The following ACY3 variants were observed in gnomAD, a reference collection of about 807,000 sequenced individuals.
The protein encoded by ACY3 is aminoacylase 3.
ACY3 carries 20 observed loss-of-function variants against 24.6 expected under a neutral mutation model. That is an observed-to-expected ratio of 0.81 (90% CI 0.57 to 1.18). The LOEUF (loss-of-function observed/expected upper bound fraction) is 1.18. Among genes scored for constraint, ACY3 ranks in the 50% most tolerant of loss-of-function variants. The pLI is 0.00. For synonymous variants in ACY3, 174 were observed against 188.4 expected (o/e 0.92, Z 0.62); for missense variants, 423 against 426.8 (o/e 0.99, Z 0.08).
chr11:67,648,391 C>T (rs1467030246), intron 1 of ACY3, among the ~76,000 whole-genome samples: 1 of 152,188 alleles, frequency 6.6e-6, no homozygotes, highest in African/African-American at 2.4e-5. Flanking sequence ...CCTGCTGCCT[C>T]TCAAGAGCAA....
At chr11:67,645,559 C>T (rs147304706) in intron 4 of ACY3, 133 bp downstream of exon 4, 1 of 1,290,338 alleles carries the variant, frequency 7.7e-7, no homozygotes, top group Non-Finnish European at 1.0e-6. Flanking sequence ...GTGGCAGACC[C>T]CAGGGACTGG....
Position 67,645,376 on chromosome 11 carries a change from T to C in ACY3, c.437A>G (p.Gln146Arg), listed in dbSNP as rs750492034. Residue 146 changes from glutamine (Q) to arginine (R), a missense_variant, in exon 5 of 8, where the codon CAG (glutamine) becomes CGG (arginine). Coordinates refer to ENST00000255082, the MANE Select transcript of ACY3 (RefSeq NM_080658.2). ...AMHLCRHLQL[Q>R]YPELSCQVFL... is the part of the protein sequence containing the mutation. The stretch of plus-strand genomic sequence containing the variant: ...GACCTGGCAGGACAGCTCGGGGTAC[T>C]GCAGCTGGGGGCGAGAGAGGCAGGT... The C allele has an allele frequency of 6.2e-7, 1 of 1,613,280 alleles. No homozygotes were observed. Among genetic ancestry groups the C allele is most frequent in the East Asian group, 2.2e-5 (1 of 44,878 alleles).
chr11:67,649,590 G>A (rs1009526312), intron 1 of ACY3, among the ~76,000 whole-genome samples: 4 of 151,916 alleles, frequency 2.6e-5, no homozygotes, highest in African/African-American at 7.3e-5. Flanking sequence ...GTGTGCATGA[G>A]AGCATGTGTG....
At chr11:67,644,130 A>G (rs1591129603) in intron 7 of ACY3, among the ~76,000 whole-genome samples, 1 of 152,258 alleles carries the variant, frequency 6.6e-6, no homozygotes, top group Middle Eastern at 3.4e-3. Context: ...CATGGACGGG[A>G]TGGTGCTGCC....
chr11:67,644,142 C>T (rs1280675482), intron 7 of ACY3, among the ~76,000 whole-genome samples: 3 of 152,098 alleles, frequency 2.0e-5, no homozygotes, highest in Admixed American at 2.0e-4. Flanking sequence ...GGTGCTGCCT[C>T]CATTTGTAAG....
rs745927969 is a variant in ACY3, at chr11:67,645,889, T to G, written c.237-2A>C. The G allele has an allele frequency of 2.5e-6, 4 of 1,588,020 alleles. No individual in the cohort carries two copies. In the Admixed American group the frequency reaches 7.2e-5, roughly 29 times the overall value. On this transcript the variant is annotated splice_acceptor_variant, in intron 3 of 7. Coordinates refer to ENST00000255082, the MANE Select transcript of ACY3 (RefSeq NM_080658.2). LOFTEE classifies it high-confidence loss of function. ...GGGTCGTCCGGGGTGGGCCTGGAAC[T>G]GTGGAGACGGGAATGGGGGACACCG...
In ACY3 at chr11:67,645,063, T is replaced by C; in HGVS notation, c.616A>G (p.Ile206Val). 2 of 1,613,880 alleles carry C rather than the reference T, an allele frequency of 1.2e-6. No homozygotes were observed. The highest frequency in any genetic ancestry group is 8.5e-7 in the Non-Finnish European group (1 of 1,179,958). The change falls in exon 6 of 8, where the codon ATC (isoleucine) becomes GTC (valine). Residue 206 changes from isoleucine (I) to valine (V), a missense_variant. Coordinates refer to ENST00000255082, the MANE Select transcript of ACY3 (RefSeq NM_080658.2). ...RTLVATVLDF[I>V]ELFNQGTAFP... Reference sequence around the variant, plus strand: ...GTCTCACCCTGGTTGAAGAGTTCGATGAAGTCCAGAACTGTGGCCACCAGG... The same window carrying C: ...GTCTCACCCTGGTTGAAGAGTTCGACGAAGTCCAGAACTGTGGCCACCAGG...
At chr11:67,647,389 G>C (rs1405493856) in intron 2 of ACY3, 127 bp downstream of exon 2, 2 of 237,538 alleles carry the variant, frequency 8.4e-6, no homozygotes, top group South Asian at 1.4e-4. Context: ...GGCACAGCGT[G>C]GGGAGTGGAA....
At chr11:67,649,260 G>A (rs1336219534) in intron 1 of ACY3, among the ~76,000 whole-genome samples, 1 of 152,142 alleles carries the variant, frequency 6.6e-6, no homozygotes, top group Admixed American at 6.5e-5. Flanking sequence ...AACCCCCACA[G>A]AGGCTGGGAT....
At position 67,645,828 on chromosome 11, in the gene ACY3, A is replaced by T; in HGVS notation, c.296T>A (p.Leu99Gln). 2.5e-6 allele frequency: 4 copies of T among 1,613,690 alleles called. No homozygotes were observed. The highest frequency in any genetic ancestry group is 3.4e-6 in the Non-Finnish European group (4 of 1,179,788). ...CTGGCCCGAGGCCTTGGGCCCCAGC[A>T]GCTGGTTCAGCTCTCGGGCTCTTGT... The part of the protein sequence containing the change: ...EVTRARELNQ[L>Q]LGPKASGQAF... The change falls in exon 4 of 8, where the codon CTG (leucine) becomes CAG (glutamine). Residue 99 changes from leucine (L) to glutamine (Q), a missense_variant. Leu to Gln is a moderately radical substitution (Grantham distance 113). Coordinates refer to ENST00000255082, the MANE Select transcript of ACY3 (RefSeq NM_080658.2).
In ACY3 at chr11:67,646,985, G is replaced by T; in HGVS notation, c.59C>A (p.Thr20Lys). 1 of 1,568,180 alleles carries T rather than the reference G, an allele frequency of 6.4e-7. No individual in the cohort carries two copies. Among genetic ancestry groups the T allele is most frequent in the Non-Finnish European group, 8.7e-7 (1 of 1,155,878 alleles). The change falls in exon 3 of 8, where the codon ACG (threonine) becomes AAG (lysine). Residue 20 changes from threonine (T) to lysine (K), a missense_variant. Coordinates refer to ENST00000255082, the MANE Select transcript of ACY3 (RefSeq NM_080658.2). ...GACGCCCGACATCTCGTTGCCATGCGTGCCCCCAGTCACAGCCACGCGACG... is the reference window on the plus strand; with the variant it reads ...GACGCCCGACATCTCGTTGCCATGCTTGCCCCCAGTCACAGCCACGCGACG... Reference protein sequence around the residue: ...PLRRVAVTGGTHGNEMSGVYL... With the variant: ...PLRRVAVTGGKHGNEMSGVYL...
At chr11:67,646,741 A>T in intron 3 of ACY3, 67 bp downstream of exon 3, 1 of 1,458,192 alleles carries the variant, frequency 6.9e-7, no homozygotes, top group Non-Finnish European at 9.5e-7. Context: ...TGGTGGCGGG[A>T]GGGAAGTTTT....
At chr11:67,646,746 A>C in intron 3 of ACY3, 62 bp downstream of exon 3, 2 of 1,493,554 alleles carry the variant, frequency 1.3e-6, no homozygotes, top group Non-Finnish European at 1.8e-6. Context: ...GCGGGAGGGA[A>C]GTTTTGTGGT....
intron 1 of ACY3, among the ~76,000 whole-genome samples, chr11:67,649,455 T>C (rs537475274): frequency 1.3e-4 from 20 of 152,222 alleles, no homozygotes; most frequent in Non-Finnish European, 2.1e-4. Context: ...GCTTCTGCAT[T>C]TCAGTGAGTG....
In ACY3 at chr11:67,645,128, T is replaced by G. The variant is rs1055284404; in HGVS notation, c.551A>C (p.Gln184Pro). 3.7e-6 allele frequency: 6 copies of G among 1,613,174 alleles called. No homozygotes were observed. Among genetic ancestry groups the G allele is most frequent in the Non-Finnish European group, 4.2e-6 (5 of 1,179,718 alleles). ...GAAAATGTCAGCCCGCAGCACACCC[T>G]GTGGCTGGGGGCCCAGCTCCAGACC... ...GLGLELGPQP[Q>P]GVLRADIFSR... The change falls in exon 6 of 8, where the codon CAG (glutamine) becomes CCG (proline). Residue 184 changes from glutamine to proline, a missense_variant. Physicochemically the swap from Gln to Pro is moderately conservative, Grantham distance 76 (BLOSUM62 -1). Transcript: ENST00000255082.
intron 1 of ACY3, among the ~76,000 whole-genome samples, chr11:67,649,046 G>A (rs982050626): frequency 6.6e-6 from 1 of 152,226 alleles, no homozygotes; most frequent in African/African-American, 2.4e-5. Flanking sequence ...GGGGGCAGCT[G>A]TCACCGGCTC....
At chr11:67,649,732 C>T (rs1398594123) in intron 1 of ACY3, among the ~76,000 whole-genome samples, 2 of 136,598 alleles carry the variant, frequency 1.5e-5, no homozygotes, top group East Asian at 4.3e-4. Flanking sequence ...TGCATGAGAG[C>T]ATGTGTGCGT....
In ACY3 at chr11:67,648,713, C is replaced by T. The variant is rs576770393; in HGVS notation, c.-94-1124G>A. The stretch of plus-strand genomic sequence containing the variant: ...CAGGACCCTCTAAGTTACACCCTCT[C>T]GGAAGCTGCCCCAGATCACACTCAG... On this transcript the variant is annotated intron_variant, in intron 1 of 7. Transcript: ENST00000255082. Among the ~76,000 whole-genome samples, 10 of 152,252 alleles carry T rather than the reference C, an allele frequency of 6.6e-5. No individual in the cohort carries two copies. In the Middle Eastern group the frequency reaches 0.01, roughly 155 times the overall value.
At chr11:67,648,995 GGCCAT>G (rs1190645841) in intron 1 of ACY3, among the ~76,000 whole-genome samples, 1 of 152,080 alleles carries the variant, frequency 6.6e-6, no homozygotes, top group Non-Finnish European at 1.5e-5. Flanking sequence ...GCCATTAGGG[GGCCAT>G]GCCATGCCAT....
Sources: gnomAD v4.1 joint callset for allele counts (sites outside exome capture counted in the v4.1 genomes callset) on GRCh38, gnomAD v4.1.1 for gene constraint, MANE v1.5 for transcripts, NCBI Gene and HGNC (gene_info 2026-07-23, HGNC 2026-07-21) for gene names.